The following MYLK4 variants were observed in gnomAD, a reference collection of about 807,000 sequenced individuals.
The protein encoded by MYLK4 is myosin light chain kinase family member 4, also known as caMLCK like.
Under a neutral mutation model 48.1 loss-of-function variants are expected in MYLK4, and 46 were observed. The ratio of observed to expected loss-of-function variants is 0.96; its 90% CI spans 0.75 to 1.22. The LOEUF (loss-of-function observed/expected upper bound fraction) is 1.22, where lower values mean the gene tolerates loss of function less well. Ranked by LOEUF, MYLK4 falls within the 50% of genes most tolerant of loss-of-function variation. The probability of loss-of-function intolerance (pLI) is 0.00; values close to 1 mark genes in which losing one functional copy is unlikely to be tolerated. For missense variants in MYLK4, 451 were observed against 486.1 expected (o/e 0.93, Z 0.68); for synonymous variants, 170 against 180.8 (o/e 0.94, Z 0.48).
Position 2,749,320 on chromosome 6 carries a change from C to CT in MYLK4, c.-27dup. The CT allele has an allele frequency of 8.1e-6, 13 of 1,598,630 alleles. No homozygotes were observed. The highest frequency in any genetic ancestry group is 1.0e-5 in the Non-Finnish European group (12 of 1,170,980). ...CTTAGTAGTGAGTCCGATTAAGCTA[C>CT]TTTCTGGAGTGTGGTTTTCGTCTCC... is the stretch of plus-strand genomic sequence containing the variant. On this transcript the variant is annotated 5_prime_UTR_variant, in exon 2 of 13. Coordinates refer to ENST00000274643, the MANE Select transcript of MYLK4 (RefSeq NM_001012418.5).
At chr6:2,737,121 T>C (rs113114024) in intron 2 of MYLK4, among the ~76,000 whole-genome samples, 19 of 152,328 alleles carry the variant, frequency 1.2e-4, no homozygotes, top group African/African-American at 4.3e-4. Flanking sequence ...GAGACCATCC[T>C]GGCCAACATG....
the MYLK4 span, chr6:2,765,656 C>T: frequency 7.2e-5 from 112 of 1,546,874 alleles, no homozygotes; most frequent in African/African-American, 1.7e-4. Context: ...CGACCCCTTC[C>T]TTTCGCAGCT....
intron 3 of MYLK4, among the ~76,000 whole-genome samples, chr6:2,690,384 C>T (rs909478905): frequency 6.6e-6 from 1 of 152,200 alleles, no homozygotes; most frequent in Non-Finnish European, 1.5e-5. Flanking sequence ...GAAAATGGAT[C>T]CTACTGCTGA....
At chr6:2,748,262 G>A (rs149331176) in intron 2 of MYLK4, among the ~76,000 whole-genome samples, 360 of 152,260 alleles carry the variant, frequency 2.4e-3, no homozygotes, top group African/African-American at 7.2e-3. Context: ...ATTTGTTTCC[G>A]TTACTAGGAA....
chr6:2,715,674 G>C (rs537906210), intron 2 of MYLK4, among the ~76,000 whole-genome samples: 1 of 152,194 alleles, frequency 6.6e-6, no homozygotes, highest in Non-Finnish European at 1.5e-5. Flanking sequence ...CCTGCTTCAC[G>C]TGTCTGGCTT....
intron 2 of MYLK4, among the ~76,000 whole-genome samples, chr6:2,704,256 T>C (rs1331881434): frequency 6.6e-6 from 1 of 152,216 alleles, no homozygotes; most frequent in Non-Finnish European, 1.5e-5. Context: ...TGCCATTACA[T>C]GCCCTTTATT....
chr6:2,766,367 G>A, the MYLK4 span: 14 of 1,609,792 alleles, frequency 8.7e-6, no homozygotes, highest in Non-Finnish European at 1.2e-5. Flanking sequence ...CGTGGGCCAG[G>A]ATACCCTGCT....
At chr6:2,766,238 G>T in the MYLK4 span, 2 of 1,477,928 alleles carry the variant, frequency 1.4e-6, no homozygotes, top group East Asian at 2.7e-5. Context: ...CAGTGGCGGG[G>T]GCCGCCCGCA....
chr6:2,770,035 G>T, the MYLK4 span: 3 of 1,566,966 alleles, frequency 1.9e-6, no homozygotes, highest in African/African-American at 2.7e-5. Context: ...TGAGGAAAAG[G>T]AAGGAAGGGA....
chr6:2,763,267 G>A, the MYLK4 span, among the ~76,000 whole-genome samples: 3 of 152,258 alleles, frequency 2.0e-5, no homozygotes, highest in Admixed American at 6.5e-5. Context: ...AACCCAGTTG[G>A]CTTCTCCCAT....
chr6:2,719,096 G>A (rs2113280285), intron 2 of MYLK4, among the ~76,000 whole-genome samples: 1 of 152,264 alleles, frequency 6.6e-6, no homozygotes, highest in South Asian at 2.1e-4. Context: ...CGCTCATTTT[G>A]AACAAAAGTC....
chr6:2,672,608 C>A lies in MYLK4; in HGVS notation c.1120-1260G>T, dbSNP rs1285797489. Among the ~76,000 whole-genome samples, 12 of 152,190 alleles carry A rather than the reference C, an allele frequency of 7.9e-5. No homozygotes were observed. The highest frequency in any genetic ancestry group is 7.9e-4 in the Admixed American group (12 of 15,280). On this transcript the variant is annotated intron_variant, in intron 11 of 12. Transcript: ENST00000274643. The surrounding 1 kb of genome is among the most constrained non-coding windows in gnomAD (Gnocchi z 4.3). ...TAAATTTTCAACTTAAAAGTAAATT[C>A]TGATTTTGTAGAACCAATATTAATC... is the stretch of plus-strand genomic sequence containing the variant.
intron 10 of MYLK4, among the ~76,000 whole-genome samples, chr6:2,676,984 A>G (rs1240497957): frequency 6.6e-6 from 1 of 152,052 alleles, no homozygotes; most frequent in Admixed American, 6.5e-5. Flanking sequence ...TGCTCATAAT[A>G]ATAACCTTGG....
chr6:2,674,907 T>C (rs958939042), intron 11 of MYLK4, 140 bp downstream of exon 11: 1 of 741,136 alleles, frequency 1.3e-6, no homozygotes, highest in Non-Finnish European at 2.2e-6. Flanking sequence ...TTTTAAGTAA[T>C]TTAATACTGC....
chr6:2,673,624 G>A lies in MYLK4; in HGVS notation c.1119+1423C>T, dbSNP rs1582024178. On this transcript the variant is annotated intron_variant, in intron 11 of 12. Coordinates refer to ENST00000274643, the MANE Select transcript of MYLK4 (RefSeq NM_001012418.5). This position sits in a 1 kb window ranked among gnomAD's most constrained non-coding sequence, Gnocchi z 4.2. Reference sequence around the variant, plus strand: ...TCAGACAGGTCCTGGTGGGCCCAAAGGTTGGCATGGCGTCTTGCCTGTATA... The same window carrying A: ...TCAGACAGGTCCTGGTGGGCCCAAAAGTTGGCATGGCGTCTTGCCTGTATA... 6.6e-6 allele frequency among the ~76,000 whole-genome samples: 1 copy of A among 152,226 alleles called. No individual in the cohort carries two copies. Among genetic ancestry groups the A allele is most frequent in the Non-Finnish European group, 1.5e-5 (1 of 68,050 alleles).
At chr6:2,670,659 T>C (rs1760850604) in intron 12 of MYLK4, among the ~76,000 whole-genome samples, 1 of 152,126 alleles carries the variant, frequency 6.6e-6, no homozygotes, top group East Asian at 1.9e-4. Flanking sequence ...CTCTCAATAA[T>C]TCCAAAAACA....
At chr6:2,712,256 G>C (rs1406864176) in intron 2 of MYLK4, among the ~76,000 whole-genome samples, 2 of 152,188 alleles carry the variant, frequency 1.3e-5, no homozygotes, top group African/African-American at 4.8e-5. Flanking sequence ...ATAAATCTAA[G>C]CTGGCTCCCT....
the MYLK4 span, among the ~76,000 whole-genome samples, chr6:2,762,739 G>A: frequency 9.4e-4 from 143 of 152,290 alleles, no homozygotes; most frequent in African/African-American, 3.2e-3. Flanking sequence ...ACACAGTGCA[G>A]AGTTTCTTCT....
rs545683390 is a variant in MYLK4, at chr6:2,716,696, A to G, written c.160-23837T>C. ...ATGTGTGTACTGTAATTGGTCAAGAACCTAGGTTCAAATCCTGACTTGGCC... is the reference window on the plus strand; with the variant it reads ...ATGTGTGTACTGTAATTGGTCAAGAGCCTAGGTTCAAATCCTGACTTGGCC... On this transcript the variant is annotated intron_variant, in intron 2 of 12. Transcript: ENST00000274643. Among the ~76,000 whole-genome samples the G allele has an allele frequency of 2.1e-3, 323 of 152,298 alleles. 1 individual carries two copies. Among genetic ancestry groups the G allele is most frequent in the African/African-American group, 7.4e-3 (309 of 41,566 alleles).
Sources: gnomAD v4.1 joint callset for allele counts (sites outside exome capture counted in the v4.1 genomes callset) on GRCh38, gnomAD v4.1.1 for gene constraint, Gnocchi (gnomAD v3.1) non-coding constraint, MANE v1.5 for transcripts, NCBI Gene and HGNC (gene_info 2026-07-23, HGNC 2026-07-21) for gene names.